FRMPD4: variants seen among roughly 807,000 people sequenced by gnomAD.
FRMPD4 encodes FERM and PDZ domain containing 4, also known as FERM and PDZ domain-containing protein 4.
In FRMPD4, 22 loss-of-function variants were observed where a neutral mutation model predicts 94.1. The observed-to-expected ratio is 0.23, with a 90% confidence interval of 0.17 to 0.33. The LOEUF (loss-of-function observed/expected upper bound fraction) is 0.33. Ranked by LOEUF, FRMPD4 falls within the 10% of genes least tolerant of loss-of-function variation. The pLI, the probability that FRMPD4 is intolerant of heterozygous loss-of-function variation, is 1.00. For synonymous variants in FRMPD4, 631 were observed against 548.6 expected (o/e 1.15, Z -2.10); for missense variants, 1,111 against 1,339.9 (o/e 0.83, Z 2.67).
At chrX:12,361,851 C>T (rs146013490) in intron 1 of FRMPD4, among the ~76,000 whole-genome samples, 1,867 of 111,319 alleles carry the variant, frequency 0.017, 49 homozygotes, top group African/African-American at 0.057. Context: ...TCTCTAGTAG[C>T]TCCAGGCATT....
chrX:12,271,381 G>T (rs1272262505), intron 1 of FRMPD4, among the ~76,000 whole-genome samples: 1 of 111,845 alleles, frequency 8.9e-6, no homozygotes, highest in East Asian at 2.8e-4. Flanking sequence ...CCTTAACTGG[G>T]CCCTGCCTCT....
chrX:12,604,361 G>A lies in FRMPD4; in HGVS notation c.159-5360G>A, dbSNP rs754256354. Among the ~76,000 whole-genome samples the A allele has an allele frequency of 9.6e-4, 107 of 111,994 alleles. 1 individual carries two copies. The highest frequency in any genetic ancestry group is 3.5e-3 in the African/African-American group (107 of 30,824). On this transcript the variant is annotated intron_variant, in intron 2 of 16. Coordinates refer to ENST00000675598, the MANE Select transcript of FRMPD4 (RefSeq NM_001368397.1). ...CATATTAACAGCAATCCAGTCACCA[G>A]AGCACCTGGATTTTCTCCTACCTTC...
chrX:11,871,151 A>G (rs185493993), intron 2 of FRMPD4, among the ~76,000 whole-genome samples: 1 of 112,709 alleles, frequency 8.9e-6, no homozygotes, highest in Admixed American at 9.3e-5. Flanking sequence ...TGAGTTGAAG[A>G]AAGATACCCT....
chrX:12,554,298 G>C (rs1296562115), intron 2 of FRMPD4, among the ~76,000 whole-genome samples: 1 of 111,373 alleles, frequency 9.0e-6, no homozygotes, highest in Non-Finnish European at 1.9e-5. Context: ...TGGGTACCTG[G>C]AACTAATATC....
chrX:12,401,264 C>G (rs1046926012), intron 1 of FRMPD4, among the ~76,000 whole-genome samples: 1 of 110,065 alleles, frequency 9.1e-6, no homozygotes, highest in Non-Finnish European at 1.9e-5. Context: ...TACTCTCTCC[C>G]TCTCTCTCTT....
intron 4 of FRMPD4, among the ~76,000 whole-genome samples, chrX:12,658,423 G>A (rs1261392168): frequency 8.9e-6 from 1 of 111,935 alleles, no homozygotes; most frequent in Admixed American, 9.4e-5. Flanking sequence ...TCTTATCCTA[G>A]GTGATGAGAA....
intron 2 of FRMPD4, among the ~76,000 whole-genome samples, chrX:12,532,201 A>C (rs1323333040): frequency 2.7e-5 from 3 of 112,388 alleles, no homozygotes; most frequent in East Asian, 2.8e-4. Flanking sequence ...CCTTGAGGAA[A>C]TCACTTACCC....
chrX:11,864,828 AT>A (rs373625027), intron 1 of FRMPD4, among the ~76,000 whole-genome samples: 1,559 of 110,723 alleles, frequency 0.014, 37 homozygotes, highest in African/African-American at 0.048. Flanking sequence ...AGTAAAATGG[AT>A]TTTTTTTTCT....
intron 2 of FRMPD4, among the ~76,000 whole-genome samples, chrX:12,527,487 GTTTT>G (rs752107917): frequency 2.6e-5 from 2 of 77,454 alleles, no homozygotes. Flanking sequence ...CTGAGTTACA[GTTTT>G]TTTTTTTTTT....
chrX:12,678,773 C>G (rs1002608755), intron 5 of FRMPD4, among the ~76,000 whole-genome samples: 5 of 112,033 alleles, frequency 4.5e-5, no homozygotes, highest in Non-Finnish European at 9.4e-5. Flanking sequence ...TGCAGTGAGC[C>G]AAGATTGCAC....
chrX:12,496,602 G>A lies in FRMPD4; in HGVS notation c.42-2078G>A, dbSNP rs112559066. Among the ~76,000 whole-genome samples the A allele has an allele frequency of 1.5e-3, 167 of 111,979 alleles. 1 individual carries two copies. Among genetic ancestry groups the A allele is most frequent in the Middle Eastern group, 4.7e-3 (1 of 215 alleles). ...TCCCTCTGCAATTACGACCTGTGTC[G>A]TTAACTTTTCTCAAGGTTGTTATAG... On this transcript the variant is annotated intron_variant, in intron 1 of 16. Coordinates refer to ENST00000675598, the MANE Select transcript of FRMPD4 (RefSeq NM_001368397.1).
At chrX:11,990,207 C>G (rs746246990) in intron 3 of FRMPD4, among the ~76,000 whole-genome samples, 25 of 112,038 alleles carry the variant, frequency 2.2e-4, no homozygotes, top group African/African-American at 8.1e-4. Flanking sequence ...AAGCCAGGCA[C>G]AAATGGTTAC....
intron 4 of FRMPD4, among the ~76,000 whole-genome samples, chrX:12,640,070 G>A (rs752192133): frequency 3.6e-5 from 4 of 110,568 alleles, no homozygotes; most frequent in Non-Finnish European, 3.8e-5. Context: ...AGGCCAAGGC[G>A]GGTGGATATC....
At chrX:12,017,423 G>T (rs1051092907) in intron 3 of FRMPD4, among the ~76,000 whole-genome samples, 4 of 112,333 alleles carry the variant, frequency 3.6e-5, no homozygotes, top group Non-Finnish European at 7.5e-5. Flanking sequence ...TTATGAGTAA[G>T]CTCAGTTTCA....
chrX:12,676,476 A>G (rs56115045), intron 5 of FRMPD4, among the ~76,000 whole-genome samples: 8 of 112,719 alleles, frequency 7.1e-5, no homozygotes, highest in African/African-American at 2.6e-4. Context: ...TCACGTTTGC[A>G]TTGTCATTCC....
At chrX:12,653,722 CTA>C (rs999105315) in intron 4 of FRMPD4, among the ~76,000 whole-genome samples, 1 of 98,408 alleles carries the variant, frequency 1.0e-5, no homozygotes, top group African/African-American at 4.3e-5. Flanking sequence ...TATAAAATAA[CTA>C]TGACTTACTA....
At chrX:12,291,329 T>C (rs1169828097) in intron 1 of FRMPD4, among the ~76,000 whole-genome samples, 1 of 112,181 alleles carries the variant, frequency 8.9e-6, no homozygotes, top group African/African-American at 3.2e-5. Context: ...TTGACTCTTC[T>C]TATTCTTTGC....
intron 1 of FRMPD4, among the ~76,000 whole-genome samples, chrX:12,261,497 A>G (rs1028315083): frequency 2.7e-5 from 3 of 111,689 alleles, no homozygotes; most frequent in Non-Finnish European, 5.6e-5. Context: ...TTGACACATA[A>G]GAAGAGACTA....
intron 1 of FRMPD4, among the ~76,000 whole-genome samples, chrX:12,348,043 A>C (rs1026794575): frequency 3.6e-5 from 4 of 112,115 alleles, no homozygotes; most frequent in African/African-American, 1.3e-4. Context: ...ATTTATGAAC[A>C]GTTGTTTAGT....
Sources: allele counts gnomAD v4.1 joint callset (sites outside exome capture counted in the v4.1 genomes callset), GRCh38; gene constraint gnomAD v4.1.1; transcripts MANE v1.5; gene names NCBI Gene and HGNC (gene_info 2026-07-23, HGNC 2026-07-21).